Variants in ARL9 observed in about 807,000 individuals in gnomAD.
The protein encoded by ARL9 is ADP-ribosylation factor-like protein 9.
In ARL9, 14 loss-of-function variants were observed where a neutral mutation model predicts 27.0. The observed-to-expected ratio is 0.52, with a 90% CI of 0.34 to 0.81. The LOEUF (loss-of-function observed/expected upper bound fraction) is 0.81, where lower values mean the gene tolerates loss of function less well. Among genes scored for constraint, ARL9 ranks in the 30% least tolerant of loss-of-function variants. ARL9 has a pLI of 0.01. For synonymous variants in ARL9, 106 were observed against 108.7 expected, an observed-to-expected ratio of 0.98 and a Z score of 0.15; for missense variants, 294 against 290.0, an observed-to-expected ratio of 1.01 and a Z score of -0.10.
intron 3 of ARL9, among the ~76,000 whole-genome samples, chr4:56,521,546 C>A (rs901059805): frequency 6.6e-6 from 1 of 152,172 alleles, no homozygotes; most frequent in South Asian, 2.1e-4. Context: ...TTAGGTATCA[C>A]CAAGTTACTT....
intron 3 of ARL9, among the ~76,000 whole-genome samples, chr4:56,523,110 G>A (rs978015752): frequency 6.6e-6 from 1 of 152,232 alleles, no homozygotes; most frequent in Non-Finnish European, 1.5e-5. Flanking sequence ...ATTAGTCTGG[G>A]TGCAGTGGCT....
At chr4:56,506,206 C>G (rs1479835082) in intron 1 of ARL9, 65 bp downstream of exon 1, 2 of 1,230,790 alleles carry the variant, frequency 1.6e-6, no homozygotes, top group East Asian at 6.3e-5. Context: ...GACCCCAGCG[C>G]TGTCTCTGTT....
At chr4:56,506,786 T>TTTG (rs775195012) in intron 1 of ARL9, 13 of 179,902 alleles carry the variant, frequency 7.2e-5, no homozygotes, top group Middle Eastern at 2.7e-3. Flanking sequence ...ATTAACACAG[T>TTTG]TGTGTGTGTG....
intron 1 of ARL9, 58 bp downstream of exon 1, chr4:56,506,199 C>G (rs1195397264): frequency 3.2e-6 from 4 of 1,231,658 alleles, no homozygotes; most frequent in Admixed American, 8.4e-5. Flanking sequence ...CCGTTCAGAC[C>G]CCAGCGCTGT....
In ARL9 at chr4:56,523,984, T is replaced by G. The variant is rs1722009102; in HGVS notation, c.*108T>G. 1.8e-6 allele frequency: 2 copies of G among 1,094,100 alleles called. No homozygotes were observed. Among genetic ancestry groups the G allele is most frequent in the Non-Finnish European group, 2.5e-6 (2 of 786,650 alleles). 67.8% of individuals were successfully genotyped at this position (1,094,100 alleles called of 1,614,324 possible). A position where few individuals can be genotyped will look rare whatever the true frequency, so the allele number is the denominator to read the frequency against. On this transcript the variant is annotated 3_prime_UTR_variant, in exon 4 of 4. Coordinates refer to ENST00000640821, the MANE Select transcript of ARL9 (RefSeq NM_001363794.2). ...CAAATAAAAATTAAGCCATTTCCTA[T>G]TTTCTCAGTGCATGGGATGTATATA... is the stretch of plus-strand genomic sequence containing the variant.
Position 56,505,816 on chromosome 4 carries a change from C to CAGCACGCG in ARL9, c.-46_-39dup. On this transcript the variant is annotated 5_prime_UTR_variant, in exon 1 of 4. Coordinates refer to ENST00000640821, the MANE Select transcript of ARL9 (RefSeq NM_001363794.2). ...ACACCTGGGGCCCAGAGCCACCGCT[C>CAGCACGCG]AGCACGCGGGCACGCGGCGGGAGGG... 1.5e-6 allele frequency: 2 copies of CAGCACGCG among 1,294,674 alleles called. No homozygotes were observed. The highest frequency in any genetic ancestry group is 5.2e-5 in the South Asian group (2 of 38,328). The allele number at this position is 1,294,674 out of a possible 1,614,324, so 80.2% of individuals were successfully genotyped here. A position where few individuals can be genotyped will look rare whatever the true frequency, so the allele number is the denominator to read the frequency against.
intron 2 of ARL9, 54 bp from the exon 3 acceptor site, chr4:56,518,624 G>C (rs1721829345): frequency 6.6e-7 from 1 of 1,516,440 alleles, no homozygotes; most frequent in African/African-American, 1.4e-5. Flanking sequence ...TCCCTGGGTG[G>C]GTGCTTCTGT....
Position 56,518,795 on chromosome 4 carries a change from T to C in ARL9, c.560T>C (p.Leu187Pro), listed in dbSNP as rs1213798645. 3 of 1,614,054 alleles carry C rather than the reference T, an allele frequency of 1.9e-6. No individual in the cohort carries two copies. The highest frequency in any genetic ancestry group is 1.7e-6 in the Non-Finnish European group (2 of 1,179,904). Residue 187 changes from leucine (L) to proline (P), a missense_variant, in exon 3 of 4, where the codon CTT becomes CCT. Leu to Pro is a moderately conservative substitution (Grantham distance 98). Coordinates refer to ENST00000640821, the MANE Select transcript of ARL9 (RefSeq NM_001363794.2). The stretch of plus-strand genomic sequence containing the variant: ...CGATTACCTGAAGCCAAGAAATACC[T>C]TCATCAGCTAATTGCAGCAAACCCA... ...HSRLPEAKKY[L>P]HQLIAANPVL... is the part of the protein sequence containing the mutation.
intron 2 of ARL9, among the ~76,000 whole-genome samples, chr4:56,514,563 G>T (rs1721722854): frequency 6.6e-6 from 1 of 152,188 alleles, no homozygotes; most frequent in Non-Finnish European, 1.5e-5. Context: ...TGTACCAATA[G>T]ATATAAAGTC....
chr4:56,517,023 T>G (rs1351583452), intron 2 of ARL9, among the ~76,000 whole-genome samples: 1 of 152,192 alleles, frequency 6.6e-6, no homozygotes, highest in Admixed American at 6.5e-5. Flanking sequence ...GGTACCAACT[T>G]CTTTGGAAAA....
chr4:56,510,080 C>T (rs1022358465), intron 1 of ARL9, among the ~76,000 whole-genome samples: 3 of 151,866 alleles, frequency 2.0e-5, no homozygotes, highest in Non-Finnish European at 4.4e-5. Flanking sequence ...AAGAGGGAGG[C>T]TGGGTGCGGT....
intron 1 of ARL9, among the ~76,000 whole-genome samples, chr4:56,509,418 C>G (rs1409427008): frequency 6.6e-6 from 1 of 151,512 alleles, no homozygotes; most frequent in Non-Finnish European, 1.5e-5. Flanking sequence ...CAGGCTGGTT[C>G]CAAACTCTTG....
intron 3 of ARL9, among the ~76,000 whole-genome samples, chr4:56,521,602 C>T (rs574115060): frequency 6.6e-6 from 1 of 152,320 alleles, no homozygotes; most frequent in South Asian, 2.1e-4. Context: ...CAGAATATGA[C>T]AGTTTTTGCA....
chr4:56,519,428 G>A (rs1472244620), intron 3 of ARL9, among the ~76,000 whole-genome samples: 3 of 152,136 alleles, frequency 2.0e-5, no homozygotes, highest in South Asian at 2.1e-4. Context: ...TGGCTAACAT[G>A]GTGAAACCCT....
At chr4:56,505,333 C>T (rs1265605557), upstream of ARL9, 4 of 455,908 alleles carry the variant, frequency 8.8e-6, no homozygotes, top group Admixed American at 9.4e-5. Flanking sequence ...AGTACAGGCT[C>T]ATGGTTGGGA....
chr4:56,513,162 G>C (rs1038012808), intron 2 of ARL9, among the ~76,000 whole-genome samples: 4 of 152,188 alleles, frequency 2.6e-5, no homozygotes, highest in African/African-American at 9.7e-5. Flanking sequence ...CATCAATTTA[G>C]GTAAATTTTC....
At position 56,514,505 on chromosome 4, in the gene ARL9, A is replaced by G. The variant is rs1200951500; in HGVS notation, c.442+3158A>G. ...AATAATGTCATGAAGGAAAAAGAGC[A>G]TATCATTGATTAGGATGACAAGAGT... On this transcript the variant is annotated intron_variant, in intron 2 of 3. Coordinates refer to ENST00000640821, the MANE Select transcript of ARL9 (RefSeq NM_001363794.2). Among the ~76,000 whole-genome samples the G allele has an allele frequency of 3.3e-5, 5 of 152,190 alleles. No homozygotes were observed. The East Asian group carries it at 5.8e-4, about 18-fold the overall frequency.
Position 56,524,028 on chromosome 4 carries a change from TG to T in ARL9, c.*155del, listed in dbSNP as rs1161702703. On this transcript the variant is annotated 3_prime_UTR_variant, in exon 4 of 4. Coordinates refer to ENST00000640821, the MANE Select transcript of ARL9 (RefSeq NM_001363794.2). ...GTATATAGTTAGCCCTCCATATCCA[TG>T]GGTTCCACATCTGGGGATTCAAGAA... The T allele has an allele frequency of 1.7e-6, 1 of 590,588 alleles. No homozygotes were observed. The highest frequency in any genetic ancestry group is 1.9e-5 in the African/African-American group (1 of 53,540). 36.6% of individuals were successfully genotyped at this position (590,588 alleles called of 1,614,324 possible).
rs1560701125 is a variant in ARL9 at position 56,523,903 on chromosome 4, A to G, written c.*27A>G. ...CAGGACTCAGCCCACTGTGCGGCTC[A>G]CGACTGAGATGTCATCAGTGTTGAA... On this transcript the variant is annotated 3_prime_UTR_variant, in exon 4 of 4. Transcript: ENST00000640821. 6.3e-7 allele frequency: 1 copy of G among 1,591,250 alleles called. No individual in the cohort carries two copies.
Sources: gnomAD v4.1 joint callset for allele counts (sites outside exome capture counted in the v4.1 genomes callset) on GRCh38, gnomAD v4.1.1 for gene constraint, MANE v1.5 for transcripts, NCBI Gene and HGNC (gene_info 2026-07-23, HGNC 2026-07-21) for gene names.